ZSCAN1: variants seen among roughly 807,000 people sequenced by gnomAD.
The protein encoded by ZSCAN1 is zinc finger and SCAN domain-containing protein 1.
Under a neutral mutation model 23.8 loss-of-function variants are expected in ZSCAN1, and 23 were observed. The ratio of observed to expected loss-of-function variants is 0.97; its 90% CI spans 0.70 to 1.37. The LOEUF is 1.37. Ranked by LOEUF, ZSCAN1 falls within the 40% of genes most tolerant of loss-of-function variation. The pLI is 0.00. For synonymous variants in ZSCAN1, 236 were observed against 232.3 expected (o/e 1.02, Z -0.15); for missense variants, 575 against 554.0 (o/e 1.04, Z -0.38).
rs1481727718 is a variant in ZSCAN1 at position 58,037,738 on chromosome 19, G to A, written c.-99G>A. ...TGCCCCTCTCTGCAGGCCCCTGATT[G>A]CTGATTCTGTCCGCCTGCCACACCG... On this transcript the variant is annotated 5_prime_UTR_variant, in exon 3 of 6. Transcript: ENST00000282326. The A allele has an allele frequency of 2.9e-6, 4 of 1,397,406 alleles. No individual in the cohort carries two copies. In the African/African-American group the frequency reaches 5.8e-5, roughly 20 times the overall value. 86.6% of individuals were successfully genotyped at this position (1,397,406 alleles called of 1,614,324 possible). A position where few individuals can be genotyped will look rare whatever the true frequency, so the allele number is the denominator to read the frequency against.
chr19:58,044,442 G>A lies in ZSCAN1; in HGVS notation c.465+3898G>A, dbSNP rs2073810320. ...AAAACCAAAAACATCGAAGCTGGGC[G>A]CCTCCTGTCCGAGGCCAACCGCTGC... On this transcript the variant is annotated intron_variant, in intron 4 of 5. Coordinates refer to ENST00000282326, the MANE Select transcript of ZSCAN1 (RefSeq NM_182572.4). The A allele has an allele frequency of 8.1e-6, 3 of 371,638 alleles. No individual in the cohort carries two copies. The South Asian group carries it at 1.6e-4, about 20-fold the overall frequency. 23.0% of individuals were successfully genotyped at this position (371,638 alleles called of 1,614,324 possible).
At position 58,045,856 on chromosome 19, in the gene ZSCAN1, G is replaced by A. The variant is rs1343580794; in HGVS notation, c.465+5312G>A. 19 of 1,119,566 alleles carry A rather than the reference G, an allele frequency of 1.7e-5. No individual in the cohort carries two copies. Among genetic ancestry groups the A allele is most frequent in the South Asian group, 3.7e-5 (3 of 80,892 alleles). 69.4% of individuals were successfully genotyped at this position (1,119,566 alleles called of 1,614,324 possible). A position where few individuals can be genotyped will look rare whatever the true frequency, so the allele number is the denominator to read the frequency against. ...GCTCCCGGACACCCTCTTGCCAGCC[G>A]ACCAGCTCAAGTCCACACTGCAGAC... On this transcript the variant is annotated intron_variant, in intron 4 of 5. Coordinates refer to ENST00000282326, the MANE Select transcript of ZSCAN1 (RefSeq NM_182572.4). This position sits in a 1 kb window ranked among gnomAD's most constrained non-coding sequence, Gnocchi z 4.3.
chr19:58,038,292 C>T (rs1381912337), intron 3 of ZSCAN1, 86 bp downstream of exon 3: 2 of 1,509,092 alleles, frequency 1.3e-6, no homozygotes, highest in Non-Finnish European at 8.9e-7. Context: ...CCGCCCACAT[C>T]GCTCCCACCC....
chr19:58,044,349 T>C (rs2073809678), intron 4 of ZSCAN1, among the ~76,000 whole-genome samples: 1 of 151,810 alleles, frequency 6.6e-6, no homozygotes, highest in Non-Finnish European at 1.5e-5. Flanking sequence ...ACAGAAAGGT[T>C]ATGCTCTGGG....
At chr19:58,038,348 G>T in intron 3 of ZSCAN1, 142 bp downstream of exon 3, 1 of 1,106,438 alleles carries the variant, frequency 9.0e-7, no homozygotes, top group Non-Finnish European at 1.3e-6. Flanking sequence ...CCCCGCGGCT[G>T]TGTTTTTAAT....
chr19:58,037,467 C>A (rs529956314), intron 2 of ZSCAN1, among the ~76,000 whole-genome samples: 1 of 76,878 alleles, frequency 1.3e-5, no homozygotes, highest in African/African-American at 5.1e-5. Flanking sequence ...AGGACATCTG[C>A]GAGGGGAGGA....
chr19:58,045,739 A>G lies in ZSCAN1; in HGVS notation c.465+5195A>G, dbSNP rs2073821157. ...CATGCGGGCCCTGGGCGTCAGGGAA[A>G]ACCACCTGAGGGGCCAGCTGAAGCA... On this transcript the variant is annotated intron_variant, in intron 4 of 5. Coordinates refer to ENST00000282326, the MANE Select transcript of ZSCAN1 (RefSeq NM_182572.4). This position sits in a 1 kb window ranked among gnomAD's most constrained non-coding sequence, Gnocchi z 4.3. 2.3e-6 allele frequency: 3 copies of G among 1,300,858 alleles called. No homozygotes were observed. The highest frequency in any genetic ancestry group is 1.7e-5 in the Admixed American group (1 of 58,870). 80.6% of individuals were successfully genotyped at this position (1,300,858 alleles called of 1,614,324 possible).
At chr19:58,035,229 C>T (rs1467303239) in intron 1 of ZSCAN1, among the ~76,000 whole-genome samples, 2 of 152,174 alleles carry the variant, frequency 1.3e-5, no homozygotes, top group African/African-American at 2.4e-5. Context: ...AGACCTCAGT[C>T]CCCTTCACAT....
Position 58,044,545 on chromosome 19 carries a change from G to C in ZSCAN1, c.465+4001G>C, listed in dbSNP as rs567475708. On this transcript the variant is annotated intron_variant, in intron 4 of 5. Transcript: ENST00000282326. ...CCGCGGCCGCCGCGGAGAAGGAGGA[G>C]GAGCCAGCGCAGGAGGCCCGAGCGG... is the stretch of plus-strand genomic sequence containing the variant. 1,472 of 518,332 alleles carry C rather than the reference G, an allele frequency of 2.8e-3. 5 individuals are homozygous for C. Among genetic ancestry groups the C allele is most frequent in the Admixed American group, 4.3e-3 (109 of 25,278 alleles). 32.1% of individuals were successfully genotyped at this position (518,332 alleles called of 1,614,324 possible).
intron 4 of ZSCAN1, among the ~76,000 whole-genome samples, chr19:58,044,353 C>T (rs1462405326): frequency 6.6e-6 from 1 of 152,008 alleles, no homozygotes; most frequent in African/African-American, 2.4e-5. Flanking sequence ...AAAGGTTATG[C>T]TCTGGGGGCA....
In ZSCAN1 at chr19:58,040,423, C is replaced by T; in HGVS notation, c.371-27C>T. Reference sequence around the variant, plus strand: ...TGGGGGCTCTGGGAAGAACAGGCCCCTCTCACGATCCCTTTCTCCCGCACA... The same window carrying T: ...TGGGGGCTCTGGGAAGAACAGGCCCTTCTCACGATCCCTTTCTCCCGCACA... On this transcript the variant is annotated intron_variant, in intron 3 of 5. Coordinates refer to ENST00000282326, the MANE Select transcript of ZSCAN1 (RefSeq NM_182572.4). The surrounding 1 kb of genome is among the most constrained non-coding windows in gnomAD (Gnocchi z 5.8). The T allele has an allele frequency of 3.7e-6, 6 of 1,612,028 alleles. No homozygotes were observed. Among genetic ancestry groups the T allele is most frequent in the Non-Finnish European group, 5.1e-6 (6 of 1,178,806 alleles).
chr19:58,037,605 A>C, intron 2 of ZSCAN1, 123 bp from the exon 3 acceptor site: 2 of 442,402 alleles, frequency 4.5e-6, no homozygotes, highest in Non-Finnish European at 7.8e-6. Context: ...GAAGGTGGGA[A>C]GAGGTCAGGT....
chr19:58,049,695 G>A lies in ZSCAN1; in HGVS notation c.466-2795G>A, dbSNP rs186351127. Among the ~76,000 whole-genome samples, 190 of 152,324 alleles carry A rather than the reference G, an allele frequency of 1.2e-3. No homozygotes were observed. Among genetic ancestry groups the A allele is most frequent in the African/African-American group, 4.3e-3 (179 of 41,570 alleles). ...CTCTAAGGTCCCTGAGATCCCATGG[G>A]CGTATCTCCCTGAGGCCCTGGCGGG... On this transcript the variant is annotated intron_variant, in intron 4 of 5. Coordinates refer to ENST00000282326, the MANE Select transcript of ZSCAN1 (RefSeq NM_182572.4). This position sits in a 1 kb window ranked among gnomAD's most constrained non-coding sequence, Gnocchi z 4.5.
intron 4 of ZSCAN1, among the ~76,000 whole-genome samples, chr19:58,043,982 C>T (rs2123429261): frequency 6.6e-6 from 1 of 151,792 alleles, no homozygotes; most frequent in South Asian, 2.1e-4. Flanking sequence ...AACTTTCTGA[C>T]TCTTGGGGCC....
Position 58,045,269 on chromosome 19 carries a change from T to C in ZSCAN1, c.465+4725T>C. On this transcript the variant is annotated intron_variant, in intron 4 of 5. Coordinates refer to ENST00000282326, the MANE Select transcript of ZSCAN1 (RefSeq NM_182572.4). This position sits in a 1 kb window ranked among gnomAD's most constrained non-coding sequence, Gnocchi z 4.3. ...TCGTGGAGTTTCTGCTGCCTGTTGC[T>C]GTGAAACTCTTCCCCAACATGTTGC... The C allele has an allele frequency of 1.3e-6, 1 of 792,594 alleles. No individual in the cohort carries two copies. The allele number at this position is 792,594 out of a possible 1,614,324, so 49.1% of individuals were successfully genotyped here. A position where few individuals can be genotyped will look rare whatever the true frequency, so the allele number is the denominator to read the frequency against.
At chr19:58,044,234 T>C (rs1051547325) in intron 4 of ZSCAN1, among the ~76,000 whole-genome samples, 2 of 151,698 alleles carry the variant, frequency 1.3e-5, no homozygotes, top group Non-Finnish European at 2.9e-5. Context: ...ATCACGCCAT[T>C]GCACTCCAGC....
Position 58,052,597 on chromosome 19 carries a change from G to A in ZSCAN1, c.573G>A (p.Glu191=). The change falls in exon 5 of 6, where the codon GAG becomes GAA. Residue 191 remains glutamate, a synonymous_variant. Transcript: ENST00000282326. ...QLQQSLHTRA[E]AEAPRAPGLL... is the part of the protein sequence containing the mutation. ...AGCAGAGTCTGCACACCAGGGCGGA[G>A]GCCGAAGCGCCCCGCGCCCCTGGCT... is the stretch of plus-strand genomic sequence containing the variant. 6.2e-7 allele frequency: 1 copy of A among 1,612,054 alleles called. No homozygotes were observed.
Position 58,054,004 on chromosome 19 carries a change from C to T in ZSCAN1, c.1180C>T (p.His394Tyr), listed in dbSNP as rs748879075. The T allele has an allele frequency of 2.2e-5, 35 of 1,562,656 alleles. 1 individual carries two copies. The Admixed American group carries it at 4.7e-4, about 21-fold the overall frequency. The change falls in exon 6 of 6, where the codon CAC (histidine) becomes TAC (tyrosine). Residue 394 changes from histidine (H) to tyrosine (Y), a missense_variant. Transcript: ENST00000282326. The surrounding 1 kb of genome is among the most constrained non-coding windows in gnomAD (Gnocchi z 4.2). ...CGGGAAGGCCTTCCCCTGGATGGTC[C>T]ACCTCATTGACCACCAGAAGCTCCA... The part of the protein sequence containing the change: ...VCGKAFPWMV[H>Y]LIDHQKLHTA...
rs531115012 is a variant in ZSCAN1 at position 58,044,911 on chromosome 19, C to T, written c.465+4367C>T. On this transcript the variant is annotated intron_variant, in intron 4 of 5. Transcript: ENST00000282326. ...TCGGTGCCTTCCTGCCCGCGGCTGG[C>T]ACTCTTCGCGCCCTGTTGGTGATGA... 8.2e-4 allele frequency: 691 copies of T among 846,546 alleles called. 3 individuals are homozygous for T. In the African/African-American group the frequency reaches 8.9e-3, roughly 11 times the overall value. 52.4% of individuals were successfully genotyped at this position (846,546 alleles called of 1,614,324 possible). A position where few individuals can be genotyped will look rare whatever the true frequency, so the allele number is the denominator to read the frequency against.
Sources: allele counts gnomAD v4.1 joint callset (sites outside exome capture counted in the v4.1 genomes callset), GRCh38; gene constraint gnomAD v4.1.1; non-coding constraint Gnocchi (gnomAD v3.1); transcripts MANE v1.5; gene names NCBI Gene and HGNC (gene_info 2026-07-23, HGNC 2026-07-21).